TMEM266: variants seen among roughly 807,000 people sequenced by gnomAD.
TMEM266 encodes transmembrane protein 266, also known as Hv1 related protein 1.
TMEM266 carries 33 observed loss-of-function variants against 50.5 expected under a neutral mutation model. The observed-to-expected ratio is 0.65, with a 90% CI of 0.50 to 0.87. TMEM266 has a LOEUF of 0.87. Ranked by LOEUF, TMEM266 falls within the 40% of genes least tolerant of loss-of-function variation. The pLI, the probability that TMEM266 is intolerant of heterozygous loss-of-function variation, is 0.00. For missense variants in TMEM266, 655 were observed against 695.1 expected (o/e 0.94, Z 0.65); for synonymous variants, 310 against 292.3 (o/e 1.06, Z -0.62).
intron 1 of TMEM266, among the ~76,000 whole-genome samples, chr15:76,103,682 T>G (rs2037037709): frequency 1.3e-5 from 2 of 149,794 alleles, no homozygotes; most frequent in Admixed American, 1.3e-4. Context: ...GAGGCCGAGG[T>G]GGGTGGATCA....
chr15:76,180,569 C>A (rs796434319), intron 8 of TMEM266, among the ~76,000 whole-genome samples: 8 of 149,290 alleles, frequency 5.4e-5, no homozygotes, highest in African/African-American at 2.0e-4. Flanking sequence ...GGTCAGGTGT[C>A]TCCACTGCAC....
At chr15:76,123,903 G>A (rs1295046135) in intron 1 of TMEM266, among the ~76,000 whole-genome samples, 2 of 152,160 alleles carry the variant, frequency 1.3e-5, no homozygotes, top group Non-Finnish European at 2.9e-5. Flanking sequence ...AGTAGAGACG[G>A]GGTTTCGCCA....
chr15:76,098,517 C>T (rs796513282), intron 1 of TMEM266, among the ~76,000 whole-genome samples: 3 of 152,238 alleles, frequency 2.0e-5, no homozygotes, highest in African/African-American at 7.2e-5. Flanking sequence ...TGTCTGTCGG[C>T]CCCTACTGGG....
rs967229656 is a variant in TMEM266 at position 76,177,782 on chromosome 15, G to A, written c.768+2108G>A. ...TCCAGAGCTGCTCTGTGCTGGGCTT[G>A]TGCCGGGCATGTGGATGCCGCCTAG... is the stretch of plus-strand genomic sequence containing the variant. On this transcript the variant is annotated intron_variant, in intron 8 of 10. Coordinates refer to ENST00000388942, the MANE Select transcript of TMEM266 (RefSeq NM_152335.3). Among the ~76,000 whole-genome samples, 8 of 152,244 alleles carry A rather than the reference G, an allele frequency of 5.3e-5. 1 individual carries two copies. The highest frequency in any genetic ancestry group is 1.9e-4 in the African/African-American group (8 of 41,452).
intron 3 of TMEM266, among the ~76,000 whole-genome samples, chr15:76,150,318 G>C (rs768096734): frequency 7.2e-5 from 11 of 152,144 alleles, no homozygotes; most frequent in Non-Finnish European, 1.2e-4. Context: ...CCCAGGCTTC[G>C]ATCTGGCTCC....
intron 3 of TMEM266, among the ~76,000 whole-genome samples, chr15:76,149,320 C>A (rs374317308): frequency 6.6e-6 from 1 of 152,238 alleles, no homozygotes; most frequent in African/African-American, 2.4e-5. Context: ...GAACTAGGAA[C>A]ACATTGGATC....
At chr15:76,157,847 G>A (rs2037950113) in intron 4 of TMEM266, among the ~76,000 whole-genome samples, 1 of 152,046 alleles carries the variant, frequency 6.6e-6, no homozygotes, top group Non-Finnish European at 1.5e-5. Context: ...AATTTCCCTG[G>A]CATAGTGGCA....
In TMEM266 at chr15:76,204,473, C is replaced by A; in HGVS notation, c.*158C>A. 1.6e-6 allele frequency: 1 copy of A among 638,928 alleles called. No homozygotes were observed. 39.6% of individuals were successfully genotyped at this position (638,928 alleles called of 1,614,324 possible). A position where few individuals can be genotyped will look rare whatever the true frequency, so the allele number is the denominator to read the frequency against. On this transcript the variant is annotated 3_prime_UTR_variant, in exon 11 of 11. Transcript: ENST00000388942. ...AGGGAGGCGACGCCAGGCCAGGAGGCCACAAGCTTCAGACCTCAAAGCCCA... is the reference window on the plus strand; with the variant it reads ...AGGGAGGCGACGCCAGGCCAGGAGGACACAAGCTTCAGACCTCAAAGCCCA...
chr15:76,141,063 G>C (rs1188547378), intron 3 of TMEM266, among the ~76,000 whole-genome samples: 3 of 151,984 alleles, frequency 2.0e-5, no homozygotes, highest in Non-Finnish European at 2.9e-5. Flanking sequence ...GACAGAGACG[G>C]GAATAGAGCC....
chr15:76,177,894 A>G (rs148521260), intron 8 of TMEM266, among the ~76,000 whole-genome samples: 3 of 152,314 alleles, frequency 2.0e-5, no homozygotes, highest in Non-Finnish European at 4.4e-5. Flanking sequence ...ATCTGGTGCA[A>G]TGCCTGTATC....
At chr15:76,175,108 T>C (rs889186190) in intron 7 of TMEM266, 1 of 157,688 alleles carries the variant, frequency 6.3e-6, no homozygotes, top group African/African-American at 2.4e-5. Context: ...TTTCCCTAAG[T>C]GGTTGCCCCG....
intron 1 of TMEM266, among the ~76,000 whole-genome samples, chr15:76,111,390 T>C (rs2037168704): frequency 6.6e-6 from 1 of 151,868 alleles, no homozygotes; most frequent in Non-Finnish European, 1.5e-5. Flanking sequence ...CATATACTCT[T>C]GTGTCTGTTA....
chr15:76,186,596 T>C (rs1424754734), intron 8 of TMEM266, among the ~76,000 whole-genome samples: 5 of 152,224 alleles, frequency 3.3e-5, no homozygotes, highest in Non-Finnish European at 7.3e-5. Flanking sequence ...TGTGCTGATA[T>C]CGCACCTCCG....
intron 1 of TMEM266, among the ~76,000 whole-genome samples, chr15:76,076,303 A>G (rs79761950): frequency 0.017 from 2,593 of 152,150 alleles, 105 homozygotes; most frequent in African/African-American, 0.059. Context: ...TGAATGTTAA[A>G]TATCTCATCT....
intron 3 of TMEM266, among the ~76,000 whole-genome samples, chr15:76,146,168 T>C (rs1444986611): frequency 6.6e-6 from 1 of 152,126 alleles, no homozygotes; most frequent in Non-Finnish European, 1.5e-5. Flanking sequence ...GTCTGCACCC[T>C]AGAGAGGCCC....
At chr15:76,157,054 CT>C (rs2037938870) in intron 4 of TMEM266, among the ~76,000 whole-genome samples, 1 of 152,070 alleles carries the variant, frequency 6.6e-6, no homozygotes, top group Non-Finnish European at 1.5e-5. Flanking sequence ...TTGGGGACCC[CT>C]GTATGCATTT....
intron 1 of TMEM266, among the ~76,000 whole-genome samples, chr15:76,108,612 A>G (rs1207087668): frequency 6.6e-6 from 1 of 152,154 alleles, no homozygotes; most frequent in Admixed American, 6.5e-5. Context: ...CAAGAAACAC[A>G]GAGGGCTTCT....
intron 3 of TMEM266, among the ~76,000 whole-genome samples, chr15:76,142,860 T>C (rs1226768068): frequency 1.3e-5 from 2 of 152,114 alleles, no homozygotes; most frequent in Non-Finnish European, 2.9e-5. Flanking sequence ...GGGAGGAAAA[T>C]CATATGGCTG....
rs1175585508 is a variant in TMEM266 at position 76,192,116 on chromosome 15, C to T, written c.917C>T (p.Thr306Met). 5 of 1,415,592 alleles carry T rather than the reference C, an allele frequency of 3.5e-6. No individual in the cohort carries two copies. Among genetic ancestry groups the T allele is most frequent in the African/African-American group, 1.5e-5 (1 of 65,926 alleles). 87.7% of individuals were successfully genotyped at this position (1,415,592 alleles called of 1,614,324 possible). A position where few individuals can be genotyped will look rare whatever the true frequency, so the allele number is the denominator to read the frequency against. Residue 306 changes from threonine (T) to methionine (M), a missense_variant, in exon 9 of 11, where the codon ACG becomes ATG. By Grantham distance (81) the Thr-to-Met change is moderately conservative. This residue lies in a region of TMEM266 where 455 missense variants were observed against 401.8 expected (regional missense o/e 1.13). Transcript: ENST00000388942. Reference sequence around the variant, plus strand: ...GAGGCCGGCACGTGGGACGAGGAGACGGCGGCCGAGAGCGTCGTGGAGGAG... The same window carrying T: ...GAGGCCGGCACGTGGGACGAGGAGATGGCGGCCGAGAGCGTCGTGGAGGAG...
Sources: allele counts gnomAD v4.1 joint callset (sites outside exome capture counted in the v4.1 genomes callset), GRCh38; gene constraint gnomAD v4.1.1; regional missense constraint gnomAD v4.1.1; transcripts MANE v1.5; gene names NCBI Gene and HGNC (gene_info 2026-07-23, HGNC 2026-07-21).